Variants in SVEP1 observed in about 807,000 individuals in gnomAD.
The protein encoded by SVEP1 is sushi, von Willebrand factor type A, EGF and pentraxin domain containing 1, also known as sushi, von Willebrand factor type A, EGF and pentraxin domain-containing protein 1.
In SVEP1, 164 loss-of-function variants were observed where a neutral mutation model predicts 367.3. The ratio of observed to expected loss-of-function variants is 0.45; its 90% confidence interval spans 0.39 to 0.51. SVEP1 has a LOEUF of 0.51. Among genes scored for constraint, SVEP1 ranks in the 20% least tolerant of loss-of-function variants. The pLI is 0.00. For synonymous variants in SVEP1, 1,666 were observed against 1,611.6 expected (o/e 1.03, Z -0.81); for missense variants, 4,117 against 4,425.3 (o/e 0.93, Z 1.98).
intron 3 of SVEP1, among the ~76,000 whole-genome samples, chr9:110,535,626 C>A (rs1830069729): frequency 6.6e-6 from 1 of 152,048 alleles, no homozygotes; most frequent in South Asian, 2.1e-4. Flanking sequence ...AATACTGATT[C>A]TTCCTACCCA....
chr9:110,573,028 G>A (rs1830584549), intron 1 of SVEP1, among the ~76,000 whole-genome samples: 1 of 152,000 alleles, frequency 6.6e-6, no homozygotes, highest in African/African-American at 2.4e-5. Context: ...ACAAAAGAGA[G>A]AGCATTTCCA....
At chr9:110,480,179 T>C (rs1345700341) in intron 12 of SVEP1, among the ~76,000 whole-genome samples, 1 of 152,224 alleles carries the variant, frequency 6.6e-6, no homozygotes, top group African/African-American at 2.4e-5. Context: ...TTTTGTGCAA[T>C]CATATTCCTT....
Position 110,404,477 on chromosome 9 carries a change from C to G in SVEP1, c.9516G>C (p.Glu3172Asp). Residue 3172 changes from glutamate (E) to aspartate (D), a missense_variant, in exon 39 of 48, where the codon GAG (glutamate) becomes GAC (aspartate). Physicochemically the swap from Glu to Asp is conservative, Grantham distance 45 (BLOSUM62 2). Around this residue, in one of 4 missense-constraint regions of SVEP1, gnomAD observed 1,765 missense variants for 1,781.1 expected, o/e 0.99. Coordinates refer to ENST00000374469, the MANE Select transcript of SVEP1 (RefSeq NM_153366.4). Reference sequence around the variant, plus strand: ...ATTTTTTAGGACTGCAGGAGATTCTCTCAGGGAACCAGCGACCATCTTTCT... The same window carrying G: ...ATTTTTTAGGACTGCAGGAGATTCTGTCAGGGAACCAGCGACCATCTTTCT... ...TCQKDGRWFP[E>D]RISCSPKKCP... 2 of 1,614,006 alleles carry G rather than the reference C, an allele frequency of 1.2e-6. No individual in the cohort carries two copies. Among genetic ancestry groups the G allele is most frequent in the Non-Finnish European group, 1.7e-6 (2 of 1,179,894 alleles).
chr9:110,382,075 A>G (rs1053247354), intron 43 of SVEP1, among the ~76,000 whole-genome samples: 4 of 151,862 alleles, frequency 2.6e-5, no homozygotes, highest in Non-Finnish European at 5.9e-5. Context: ...TAGCTCATTT[A>G]CATTTAAGGT....
At chr9:110,370,490 T>C (rs1827259820) in intron 46 of SVEP1, among the ~76,000 whole-genome samples, 1 of 152,188 alleles carries the variant, frequency 6.6e-6, no homozygotes, top group East Asian at 1.9e-4. Flanking sequence ...AGACGTCAAC[T>C]TTTATGATAA....
intron 24 of SVEP1, among the ~76,000 whole-genome samples, chr9:110,449,426 T>C (rs1174847204): frequency 6.6e-6 from 1 of 152,252 alleles, no homozygotes; most frequent in Non-Finnish European, 1.5e-5. Context: ...TTTGATTTTA[T>C]CTGGTATAAA....
At position 110,579,355 on chromosome 9, in the gene SVEP1, C is replaced by G. The variant is rs758235557; in HGVS notation, c.189G>C (p.Arg63=). 7 of 1,555,328 alleles carry G rather than the reference C, an allele frequency of 4.5e-6. No homozygotes were observed. Among genetic ancestry groups the G allele is most frequent in the Admixed American group, 1.9e-5 (1 of 51,634 alleles). Reference sequence around the variant, plus strand: ...CGCGTCGCCGGAACGCCTGGCCCAGCCGCTCCACTCTGCTCCCCGCCGCTT... The same window carrying G: ...CGCGTCGCCGGAACGCCTGGCCCAGGCGCTCCACTCTGCTCCCCGCCGCTT... The part of the protein sequence containing the change: ...GDEAAGSRVE[R]LGQAFRRRVR... Residue 63 remains arginine, a synonymous_variant, in exon 1 of 48, where the codon CGG becomes CGC. Transcript: ENST00000374469. The surrounding 1 kb of genome is among the most constrained non-coding windows in gnomAD (Gnocchi z 5.3).
Position 110,447,158 on chromosome 9 carries a change from A to G in SVEP1, c.4104-101T>C, listed in dbSNP as rs948567390. 7.1e-6 allele frequency: 8 copies of G among 1,132,038 alleles called. No homozygotes were observed. The African/African-American group carries it at 1.3e-4, about 18-fold the overall frequency. 70.1% of individuals were successfully genotyped at this position (1,132,038 alleles called of 1,614,324 possible). A position where few individuals can be genotyped will look rare whatever the true frequency, so the allele number is the denominator to read the frequency against. On this transcript the variant is annotated intron_variant, in intron 24 of 47. Coordinates refer to ENST00000374469, the MANE Select transcript of SVEP1 (RefSeq NM_153366.4). ...AGACTTTGAAAATTGAAATGCTGGAACACATTTTCTACACCAAAACAGTGC... is the reference window on the plus strand; with the variant it reads ...AGACTTTGAAAATTGAAATGCTGGAGCACATTTTCTACACCAAAACAGTGC...
intron 21 of SVEP1, among the ~76,000 whole-genome samples, chr9:110,457,041 C>A (rs1015400794): frequency 6.6e-6 from 1 of 152,060 alleles, no homozygotes; most frequent in African/African-American, 2.4e-5. Flanking sequence ...GAAGATGAGT[C>A]TTTATTCTTT....
intron 18 of SVEP1, among the ~76,000 whole-genome samples, chr9:110,465,169 A>G (rs561040421): frequency 6.6e-6 from 1 of 152,128 alleles, no homozygotes; most frequent in Non-Finnish European, 1.5e-5. Context: ...AGACCTACCG[A>G]ATCAAAGACC....
chr9:110,499,861 T>C (rs899180967), intron 6 of SVEP1, among the ~76,000 whole-genome samples: 3 of 152,232 alleles, frequency 2.0e-5, no homozygotes, highest in Non-Finnish European at 2.9e-5. Context: ...GGCACATTTG[T>C]TTTTTGTAGT....
chr9:110,423,136 T>TAAAAAAAAAAAAAAAA (rs367835046), intron 36 of SVEP1, among the ~76,000 whole-genome samples: 1 of 73,062 alleles, frequency 1.4e-5, no homozygotes, highest in Non-Finnish European at 2.9e-5. Context: ...ATAATAATAA[T>TAAAAAAAAAAAAAAAA]AAAAAAAAAA....
At chr9:110,438,177 A>ATTTTTTTTTTTTTTTT (rs10593866) in intron 27 of SVEP1, among the ~76,000 whole-genome samples, 1 of 75,538 alleles carries the variant, frequency 1.3e-5, no homozygotes, top group African/African-American at 5.1e-5. Context: ...TAGTTATGCT[A>ATTTTTTTTTTTTTTTT]TTTTTTTTTT....
At position 110,549,968 on chromosome 9, in the gene SVEP1, A is replaced by C; in HGVS notation, c.668T>G (p.Ile223Arg). ...DSGVEIFTFG[I>R]WQGNIRELND... ...CAGCTCTCGAATGTTCCCTTGCCAT[A>C]TGCCAAAAGTGAAGATCTCCACTCC... The change falls in exon 2 of 48, where the codon ATA becomes AGA. Residue 223 changes from isoleucine to arginine, a missense_variant. Physicochemically the swap from Ile to Arg is moderately conservative, Grantham distance 97. Transcript: ENST00000374469. The C allele has an allele frequency of 1.9e-6, 3 of 1,614,016 alleles. No individual in the cohort carries two copies. Among genetic ancestry groups the C allele is most frequent in the Non-Finnish European group, 2.5e-6 (3 of 1,179,888 alleles).
chr9:110,468,185 A>C (rs904735060), intron 17 of SVEP1, among the ~76,000 whole-genome samples: 1 of 152,246 alleles, frequency 6.6e-6, no homozygotes, highest in African/African-American at 2.4e-5. Context: ...TGTGGATTGG[A>C]GTTTGACTTA....
chr9:110,536,579 CT>C (rs1180557533), intron 3 of SVEP1, among the ~76,000 whole-genome samples: 1 of 151,940 alleles, frequency 6.6e-6, no homozygotes, highest in Non-Finnish European at 1.5e-5. Flanking sequence ...CTTCTCACCC[CT>C]TCAAATTTTA....
At chr9:110,401,031 G>A (rs1038748838) in intron 39 of SVEP1, 22 bp from the exon 40 acceptor site, 4 of 1,611,614 alleles carry the variant, frequency 2.5e-6, no homozygotes, top group African/African-American at 1.3e-5. Flanking sequence ...ATAACAAAAT[G>A]TAAGTTATGT....
intron 41 of SVEP1, among the ~76,000 whole-genome samples, chr9:110,387,669 T>G (rs1355300482): frequency 6.6e-6 from 1 of 152,206 alleles, no homozygotes; most frequent in African/African-American, 2.4e-5. Context: ...GGAGTTAGTC[T>G]TATTGACTCC....
chr9:110,556,982 T>A lies in SVEP1; in HGVS notation c.532-6878A>T, dbSNP rs147504858. ...TATATTGTTTCTGTGTTAAGAAACA[T>A]TTAGTCCAAACAACACACCATAAGC... On this transcript the variant is annotated intron_variant, in intron 1 of 47. Transcript: ENST00000374469. Among the ~76,000 whole-genome samples, 456 of 152,328 alleles carry A rather than the reference T, an allele frequency of 3.0e-3. 2 individuals carry two copies. The highest frequency in any genetic ancestry group is 3.5e-3 in the Non-Finnish European group (236 of 68,028).
Sources: allele counts gnomAD v4.1 joint callset (sites outside exome capture counted in the v4.1 genomes callset), GRCh38; gene constraint gnomAD v4.1.1; regional missense constraint gnomAD v4.1.1; non-coding constraint Gnocchi (gnomAD v3.1); transcripts MANE v1.5; gene names NCBI Gene and HGNC (gene_info 2026-07-23, HGNC 2026-07-21).